The following POLN variants were observed in gnomAD, a reference collection of about 807,000 sequenced individuals.
The protein encoded by POLN is DNA polymerase nu, also known as DNA polymerase N.
POLN carries 108 observed loss-of-function variants against 113.5 expected under a neutral mutation model. The ratio of observed to expected loss-of-function variants is 0.95; its 90% CI spans 0.81 to 1.12. POLN has a LOEUF of 1.12. Among genes scored for constraint, POLN ranks in the 50% most tolerant of loss-of-function variants. POLN has a pLI of 0.00. For missense variants in POLN, 1,097 were observed against 1,077.1 expected (o/e 1.02, Z -0.26); for synonymous variants, 386 against 391.5 (o/e 0.99, Z 0.17).
In POLN at chr4:2,208,455, T is replaced by A; in HGVS notation, c.246A>T (p.Arg82Ser). The A allele has an allele frequency of 3.2e-6, 5 of 1,563,582 alleles. No homozygotes were observed. Among genetic ancestry groups the A allele is most frequent in the Non-Finnish European group, 4.3e-6 (5 of 1,161,856 alleles). The change falls in exon 5 of 26, where the codon AGA becomes AGT. Residue 82 changes from arginine to serine, a missense_variant. By Grantham distance (110) the Arg-to-Ser change is moderately radical. Transcript: ENST00000511885. ...DLKSLRSQTSRGSAKLSPQSF... is the reference protein window; with the variant it reads ...DLKSLRSQTSSGSAKLSPQSF... ...ACTGAGGAGACAGCTTGGCAGAACC[T>A]CTTGATGTCTGACTTCTTAAAGATT...
At chr4:2,095,763 TTC>T (rs1730774136) in intron 20 of POLN, 86 bp downstream of exon 20, 14 of 1,232,996 alleles carry the variant, frequency 1.1e-5, no homozygotes, top group Non-Finnish European at 1.3e-5. Flanking sequence ...CACAGACGAT[TTC>T]TGAGGCACAG....
chr4:2,213,929 C>T (rs771550336), intron 3 of POLN, among the ~76,000 whole-genome samples: 10 of 152,038 alleles, frequency 6.6e-5, no homozygotes, highest in South Asian at 2.1e-4. Context: ...TTTCAAAGTA[C>T]GAAAAGACAA....
At chr4:2,203,627 C>T (rs1302256747) in intron 5 of POLN, among the ~76,000 whole-genome samples, 1 of 151,110 alleles carries the variant, frequency 6.6e-6, no homozygotes, top group Non-Finnish European at 1.5e-5. Context: ...GTGACACAAC[C>T]TATCAAAACC....
chr4:2,158,082 G>C (rs558785756), intron 14 of POLN, among the ~76,000 whole-genome samples, 171 bp from the exon 15 acceptor site: 31 of 152,264 alleles, frequency 2.0e-4, no homozygotes, highest in African/African-American at 6.5e-4. Flanking sequence ...CTCCTGAGTA[G>C]CTGGGATTAC....
chr4:2,215,072 T>C (rs898993645), intron 3 of POLN, among the ~76,000 whole-genome samples: 17 of 152,260 alleles, frequency 1.1e-4, no homozygotes, highest in Non-Finnish European at 2.2e-4. Flanking sequence ...TATGCAACAG[T>C]AAACAGGTTT....
intron 21 of POLN, 82 bp from the exon 22 acceptor site, chr4:2,081,825 GCCAC>G: frequency 3.4e-6 from 4 of 1,177,612 alleles, no homozygotes; most frequent in Non-Finnish European, 5.0e-6. Context: ...AGGTCCAGAG[GCCAC>G]AGAGGGACAG....
chr4:2,234,947 G>A (rs772417535), intron 2 of POLN, among the ~76,000 whole-genome samples: 11 of 152,140 alleles, frequency 7.2e-5, no homozygotes, highest in Admixed American at 3.9e-4. Flanking sequence ...GTGCAGTGGC[G>A]CGATCTTGAC....
chr4:2,081,851 T>A, intron 21 of POLN, 108 bp from the exon 22 acceptor site: 1 of 865,278 alleles, frequency 1.2e-6, no homozygotes, highest in Non-Finnish European at 1.9e-6. Context: ...CGCACTGCAG[T>A]GCAGACTCCA....
intron 7 of POLN, among the ~76,000 whole-genome samples, chr4:2,191,980 G>A (rs192916834): frequency 6.6e-6 from 1 of 151,960 alleles, no homozygotes; most frequent in East Asian, 1.9e-4. Flanking sequence ...ACTCATGGTG[G>A]CGCACACCTG....
rs1577708500 is a variant in POLN at position 2,126,436 on chromosome 4, T to A, written c.1982+1677A>T. Among the ~76,000 whole-genome samples the A allele has an allele frequency of 6.6e-6, 1 of 152,170 alleles. No homozygotes were observed. The highest frequency in any genetic ancestry group is 1.9e-4 in the East Asian group (1 of 5,200). On this transcript the variant is annotated intron_variant, in intron 19 of 25. Transcript: ENST00000511885. This position sits in a 1 kb window ranked among gnomAD's most constrained non-coding sequence, Gnocchi z 4.6. ...ATTTATTTGACAAATCCTTTGTGAG[T>A]CCCCACCCTTTGTGGAGCACAGTAG...
intron 13 of POLN, among the ~76,000 whole-genome samples, chr4:2,164,997 C>T (rs1043722257): frequency 6.6e-6 from 1 of 151,990 alleles, no homozygotes; most frequent in African/African-American, 2.4e-5. Flanking sequence ...AATGGTGCAG[C>T]TACCCAGGAA....
chr4:2,175,606 T>G (rs1394602025), intron 9 of POLN, among the ~76,000 whole-genome samples: 1 of 152,208 alleles, frequency 6.6e-6, no homozygotes, highest in Admixed American at 6.5e-5. Flanking sequence ...ATGAGTCTCA[T>G]TGTTTTTAGT....
chr4:2,160,512 T>C (rs1250352337), intron 13 of POLN, among the ~76,000 whole-genome samples: 1 of 152,108 alleles, frequency 6.6e-6, no homozygotes, highest in African/African-American at 2.4e-5. Flanking sequence ...GTTCAAGTGA[T>C]CCTCCCCTAC....
chr4:2,183,365 C>T (rs2108752679), intron 7 of POLN, among the ~76,000 whole-genome samples: 1 of 152,266 alleles, frequency 6.6e-6, no homozygotes, highest in East Asian at 1.9e-4. Context: ...TTCATAGAAG[C>T]ATTAATCATA....
intron 4 of POLN, 115 bp downstream of exon 4, chr4:2,212,932 T>C: frequency 1.7e-6 from 1 of 572,220 alleles, no homozygotes; most frequent in Non-Finnish European, 2.7e-6. Context: ...ACGCCTCTTT[T>C]TTTTTTTTTA....
intron 25 of POLN, 110 bp downstream of exon 25, chr4:2,072,858 C>T: frequency 8.7e-7 from 1 of 1,151,652 alleles, no homozygotes; most frequent in Non-Finnish European, 1.3e-6. Flanking sequence ...GTGGAGTGGC[C>T]ATCTCGGGGC....
rs368132405 is a variant in POLN, at chr4:2,095,755, C to G, written c.2065+96G>C. 1.0e-3 allele frequency: 1,175 copies of G among 1,132,258 alleles called. 1 individual carries two copies. The highest frequency in any genetic ancestry group is 1.7e-3 in the Middle Eastern group (9 of 5,150). 70.1% of individuals were successfully genotyped at this position (1,132,258 alleles called of 1,614,324 possible). On this transcript the variant is annotated intron_variant, in intron 20 of 25. Transcript: ENST00000511885. The stretch of plus-strand genomic sequence containing the variant: ...AGCATAAACAACACCCAGGGACTCA[C>G]AGACGATTTCTGAGGCACAGCCACA...
At chr4:2,096,494 A>C (rs1255532347) in intron 19 of POLN, among the ~76,000 whole-genome samples, 1 of 152,148 alleles carries the variant, frequency 6.6e-6, no homozygotes, top group African/African-American at 2.4e-5. Context: ...GAGACATCTG[A>C]GTAGCACAGG....
chr4:2,166,439 T>C (rs1732730069), intron 13 of POLN, among the ~76,000 whole-genome samples: 1 of 152,172 alleles, frequency 6.6e-6, no homozygotes. Flanking sequence ...TCCTGCTGGA[T>C]GGTTCTTATA....
Sources: allele counts gnomAD v4.1 joint callset (sites outside exome capture counted in the v4.1 genomes callset), GRCh38; gene constraint gnomAD v4.1.1; non-coding constraint Gnocchi (gnomAD v3.1); transcripts MANE v1.5; gene names NCBI Gene and HGNC (gene_info 2026-07-23, HGNC 2026-07-21).